PARP10: variants seen among roughly 807,000 people sequenced by gnomAD.
The protein encoded by PARP10 is protein mono-ADP-ribosyltransferase PARP10.
In PARP10, 56 loss-of-function variants were observed where a neutral mutation model predicts 82.4. The ratio of observed to expected loss-of-function variants is 0.68; its 90% CI spans 0.55 to 0.85. PARP10 has a LOEUF of 0.85. PARP10 is among the 40% of genes least tolerant of loss of function. The pLI, the probability that PARP10 is intolerant of heterozygous loss-of-function variation, is 0.00. For missense variants in PARP10, 1,227 were observed against 1,379.4 expected, an observed-to-expected ratio of 0.89 and a Z score of 1.75; for synonymous variants, 576 against 601.1, an observed-to-expected ratio of 0.96 and a Z score of 0.61.
At chr8:144,002,649 G>A (rs1554751770) in intron 1 of PARP10, among the ~76,000 whole-genome samples, 1 of 152,082 alleles carries the variant, frequency 6.6e-6, no homozygotes, top group African/African-American at 2.4e-5. Context: ...ATGAAACTGG[G>A]TAACTACTTC....
intron 9 of PARP10, among the ~76,000 whole-genome samples, chr8:143,978,390 A>C (rs1833767638): frequency 6.6e-6 from 1 of 152,194 alleles, no homozygotes; most frequent in Admixed American, 6.5e-5. Flanking sequence ...TGCTGCCTAC[A>C]GGACTTGACT....
rs1363807794 is a variant in PARP10 at position 144,011,200 on chromosome 8, C to T, written c.-80+1330G>A. ...CCAAGAGGCTAACAGTGAAATAAGA[C>T]CATGACAAGCTAATTTTCACATGTT... On this transcript the variant is annotated intron_variant, in intron 1 of 3. Coordinates refer to the PARP10 transcript ENST00000530478. The surrounding 1 kb of genome is among the most constrained non-coding windows in gnomAD (Gnocchi z 4.5). Among the ~76,000 whole-genome samples, 1 of 152,060 alleles carries T rather than the reference C, an allele frequency of 6.6e-6. No homozygotes were observed. The highest frequency in any genetic ancestry group is 2.4e-5 in the African/African-American group (1 of 41,392).
intron 9 of PARP10, among the ~76,000 whole-genome samples, chr8:143,982,065 G>A (rs1833876051): frequency 7.2e-6 from 1 of 139,446 alleles, no homozygotes; most frequent in South Asian, 2.3e-4. Context: ...TGGTGATGAT[G>A]GTGGTGAGGT....
Position 143,978,084 on chromosome 8 carries a change from G to C in PARP10, c.2557-3C>G, listed in dbSNP as rs1338570051. 2.0e-6 allele frequency: 3 copies of C among 1,510,110 alleles called. No homozygotes were observed. The highest frequency in any genetic ancestry group is 2.7e-6 in the Non-Finnish European group (3 of 1,130,430). The allele number at this position is 1,510,110 out of a possible 1,614,324, so 93.5% of individuals were successfully genotyped here. A position where few individuals can be genotyped will look rare whatever the true frequency, so the allele number is the denominator to read the frequency against. On this transcript the variant is annotated splice_region_variant and splice_polypyrimidine_tract_variant and intron_variant, in intron 9 of 10. Transcript: ENST00000313028. ...AGCGGGTGCGACACGCGCTCCACCT[G>C]CGGGGAAGGCCCGGGCCAGGATTAA...
chr8:144,009,824 C>A lies in PARP10; in HGVS notation c.-80+2706G>T, dbSNP rs193065636. Among the ~76,000 whole-genome samples, 57 of 152,298 alleles carry A rather than the reference C, an allele frequency of 3.7e-4. No individual in the cohort carries two copies. In the South Asian group the frequency reaches 7.1e-3, roughly 19 times the overall value. On this transcript the variant is annotated intron_variant, in intron 1 of 3. Transcript: ENST00000530478. ...CTTCATCCTCACATCCAAGCCAACT[C>A]CAAGACCAGCCCACCCAGCACCACT... is the stretch of plus-strand genomic sequence containing the variant.
intron 1 of PARP10, among the ~76,000 whole-genome samples, chr8:143,998,917 T>A (rs955747071): frequency 1.3e-5 from 2 of 151,548 alleles, no homozygotes; most frequent in African/African-American, 4.9e-5. Context: ...ACCTCTGTAC[T>A]CTAGCCTGGG....
At chr8:143,991,167 A>G (rs1044763648), upstream of PARP10, 16 of 1,288,824 alleles carry the variant, frequency 1.2e-5, no homozygotes, top group African/African-American at 2.2e-4. Flanking sequence ...CGTCAAGCCA[A>G]CTGTTCCACT....
At chr8:144,002,224 C>T (rs1376781382) in intron 1 of PARP10, among the ~76,000 whole-genome samples, 6 of 151,880 alleles carry the variant, frequency 4.0e-5, no homozygotes, top group Non-Finnish European at 7.4e-5. Flanking sequence ...AATCTCATAC[C>T]AATTGATCTT....
intron 9 of PARP10, among the ~76,000 whole-genome samples, chr8:143,981,230 C>T (rs1324957454): frequency 2.0e-5 from 3 of 151,994 alleles, no homozygotes; most frequent in Admixed American, 1.3e-4. Flanking sequence ...TGAGCGGTGA[C>T]GGTGTGTTGG....
intron 1 of PARP10, among the ~76,000 whole-genome samples, chr8:143,996,427 G>A (rs1443146720): frequency 3.9e-5 from 6 of 152,188 alleles, no homozygotes; most frequent in Non-Finnish European, 8.8e-5. Flanking sequence ...ACAGACAGTT[G>A]GGGCCAGCTC....
At chr8:143,996,169 G>A (rs1238975451) in intron 1 of PARP10, among the ~76,000 whole-genome samples, 9 of 152,246 alleles carry the variant, frequency 5.9e-5, no homozygotes, top group East Asian at 1.9e-4. Flanking sequence ...AAGCATGGGC[G>A]TGTCCCCGGG....
At position 143,977,483 on chromosome 8, in the gene PARP10, G is replaced by A. The variant is rs1162660726; in HGVS notation, c.*1C>T. The A allele has an allele frequency of 1.9e-6, 3 of 1,543,358 alleles. No individual in the cohort carries two copies. Among genetic ancestry groups the A allele is most frequent in the Non-Finnish European group, 1.7e-6 (2 of 1,143,070 alleles). ...AGGAGGCCAGAGGGTGGCCCCTTCG[G>A]TTAAGTGTCTGGGGAGCGGCCCGGG... On this transcript the variant is annotated 3_prime_UTR_variant, in exon 11 of 11. Transcript: ENST00000313028.
chr8:144,007,741 G>A (rs1427313117), intron 1 of PARP10, among the ~76,000 whole-genome samples: 1 of 152,126 alleles, frequency 6.6e-6, no homozygotes, highest in African/African-American at 2.4e-5. Flanking sequence ...GGCTAGAGGC[G>A]AGAAGAGCAA....
At chr8:143,983,903 G>T (rs1833924629) in intron 7 of PARP10, 92 bp from the exon 8 acceptor site, 1 of 1,500,586 alleles carries the variant, frequency 6.7e-7, no homozygotes, top group Non-Finnish European at 8.9e-7. Flanking sequence ...AGGGTACAGG[G>T]TGGGCCTAAG....
chr8:143,986,203 C>T lies in PARP10; in HGVS notation c.33G>A (p.Val11=), dbSNP rs782072328. ...GGGGCAGTCCACGGACCTCCACTGCCACCCCTGCCTCTGCCTCCGCCATTG... is the reference window on the plus strand; with the variant it reads ...GGGGCAGTCCACGGACCTCCACTGCTACCCCTGCCTCTGCCTCCGCCATTG... MVAMAEAEAG[V]AVEVRGLPPA... is the part of the protein sequence containing the mutation. Residue 11 remains valine (V), a synonymous_variant, in exon 2 of 11, where the codon GTG becomes GTA. Coordinates refer to ENST00000313028, the MANE Select transcript of PARP10 (RefSeq NM_032789.5). 1.2e-6 allele frequency: 2 copies of T among 1,613,856 alleles called. No homozygotes were observed. Among genetic ancestry groups the T allele is most frequent in the Non-Finnish European group, 1.7e-6 (2 of 1,179,918 alleles).
chr8:143,984,454 G>A, intron 5 of PARP10, 23 bp from the exon 6 acceptor site: 1 of 1,599,404 alleles, frequency 6.3e-7, no homozygotes, highest in Non-Finnish European at 8.5e-7. Flanking sequence ...TGCAGAGATG[G>A]AGTTTGCAGG....
chr8:143,984,136 T>C, intron 6 of PARP10, 32 bp from the exon 7 acceptor site: 1 of 1,565,438 alleles, frequency 6.4e-7, no homozygotes. Flanking sequence ...ACCACTAGCC[T>C]CTGGGCAAGG....
chr8:143,983,570 C>G lies in PARP10; in HGVS notation c.2019G>C (p.Gln673His), dbSNP rs1328464832. Residue 673 changes from glutamine (Q) to histidine (H), a missense_variant, in exon 8 of 11, where the codon CAG becomes CAC. Coordinates refer to ENST00000313028, the MANE Select transcript of PARP10 (RefSeq NM_032789.5). ...SLEPQGQVAE[Q>H]EEAAALRQAL... ...CTTGCCGCAGGGCAGCAGCCTCCTC[C>G]TGCTCAGCCACCTGACCTTGAGGCT... is the stretch of plus-strand genomic sequence containing the variant. 6.2e-7 allele frequency: 1 copy of G among 1,606,520 alleles called. No homozygotes were observed. The highest frequency in any genetic ancestry group is 8.5e-7 in the Non-Finnish European group (1 of 1,176,576).
chr8:143,977,725 G>A lies in PARP10; in HGVS notation c.2837C>T (p.Ala946Val). Reference protein sequence around the residue: ...NADGHKAVFVARVLTGDYGQG... With the variant: ...NADGHKAVFVVRVLTGDYGQG... ...CCCGTAGTCGCCAGTCAGCACCCGT[G>A]CCACGAACACCGCCTTATGGCCATC... is the stretch of plus-strand genomic sequence containing the variant. Residue 946 changes from alanine to valine, a missense_variant, in exon 11 of 11, where the codon GCA becomes GTA. By Grantham distance (64) the Ala-to-Val change is moderately conservative. Transcript: ENST00000313028. 6.2e-7 allele frequency: 1 copy of A among 1,600,268 alleles called. No homozygotes were observed. Among genetic ancestry groups the A allele is most frequent in the Non-Finnish European group, 8.5e-7 (1 of 1,174,286 alleles).
Sources: gnomAD v4.1 joint callset for allele counts (sites outside exome capture counted in the v4.1 genomes callset) on GRCh38, gnomAD v4.1.1 for gene constraint, Gnocchi (gnomAD v3.1) non-coding constraint, MANE v1.5 for transcripts, NCBI Gene and HGNC (gene_info 2026-07-23, HGNC 2026-07-21) for gene names.